Variants in KAZN observed in about 807,000 individuals in gnomAD.
KAZN encodes the protein kazrin, periplakin interacting protein.
A neutral mutation model predicts 87.4 loss-of-function variants in KAZN; 40 were observed. The ratio of observed to expected loss-of-function variants is 0.46; its 90% CI spans 0.36 to 0.60. KAZN has a LOEUF of 0.60. Ranked by LOEUF, KAZN falls within the 20% of genes least tolerant of loss-of-function variation. The pLI is 0.00. For synonymous variants in KAZN, 466 were observed against 458.3 expected (o/e 1.02, Z -0.22); for missense variants, 898 against 1,073.9 (o/e 0.84, Z 2.29).
intron 1 of KAZN, among the ~76,000 whole-genome samples, chr1:13,958,201 T>C (rs1333862453): frequency 6.6e-6 from 1 of 152,234 alleles, no homozygotes; most frequent in African/African-American, 2.4e-5. Context: ...TTATTGTAAT[T>C]ATGCACACGT....
chr1:14,978,152 G>C (rs1352807120), intron 2 of KAZN, among the ~76,000 whole-genome samples: 1 of 152,100 alleles, frequency 6.6e-6, no homozygotes, highest in Admixed American at 6.6e-5. Flanking sequence ...GCTGGGGCTG[G>C]TTCTTGCTAA....
At chr1:14,593,904 C>T (rs1049254265), upstream of KAZN, among the ~76,000 whole-genome samples, 3 of 152,156 alleles carry the variant, frequency 2.0e-5, no homozygotes, top group African/African-American at 4.8e-5. Context: ...TTAGGAAGTG[C>T]CACGTGACAC....
chr1:14,414,719 A>G (rs1046828504), intron 2 of KAZN, among the ~76,000 whole-genome samples: 1 of 152,092 alleles, frequency 6.6e-6, no homozygotes, highest in African/African-American at 2.4e-5. Flanking sequence ...GTTGGAGGAG[A>G]ATAAGATCAA....
chr1:14,340,770 T>C (rs1353915076), intron 2 of KAZN, among the ~76,000 whole-genome samples: 1 of 152,232 alleles, frequency 6.6e-6, no homozygotes, highest in Non-Finnish European at 1.5e-5. Context: ...TAAGTGTGTC[T>C]GTTTTTTGAC....
intron 1 of KAZN, among the ~76,000 whole-genome samples, chr1:13,926,963 A>G (rs1557725422): frequency 6.6e-6 from 1 of 152,182 alleles, no homozygotes; most frequent in Non-Finnish European, 1.5e-5. Context: ...TTAAATATGC[A>G]TTTGTCGTAA....
At chr1:14,935,586 G>T (rs1660357386) in intron 1 of KAZN, among the ~76,000 whole-genome samples, 1 of 152,208 alleles carries the variant, frequency 6.6e-6, no homozygotes, top group African/African-American at 2.4e-5. Flanking sequence ...AGCCCTGCAA[G>T]GCGATGCTGA....
intron 1 of KAZN, among the ~76,000 whole-genome samples, chr1:13,942,749 T>C (rs905546517): frequency 2.0e-5 from 3 of 152,148 alleles, no homozygotes; most frequent in Non-Finnish European, 4.4e-5. Context: ...GTGATTAATA[T>C]GCTTAATAAA....
At chr1:14,672,779 A>G (rs1639989514) in intron 1 of KAZN, among the ~76,000 whole-genome samples, 1 of 152,180 alleles carries the variant, frequency 6.6e-6, no homozygotes, top group South Asian at 2.1e-4. Flanking sequence ...TGCTGAGCAC[A>G]GGCACCAAAA....
chr1:14,419,033 G>A (rs1267767734), intron 2 of KAZN, among the ~76,000 whole-genome samples: 1 of 152,118 alleles, frequency 6.6e-6, no homozygotes. Context: ...TAAGCACATG[G>A]AAAAATACAA....
At chr1:13,898,076 AG>A (rs1639110860) in intron 1 of KAZN, among the ~76,000 whole-genome samples, 1 of 152,196 alleles carries the variant, frequency 6.6e-6, no homozygotes, top group Admixed American at 6.5e-5. Flanking sequence ...CCACACTCCC[AG>A]GCAGGGTATC....
At chr1:14,090,569 CTT>C (rs1178453436) in intron 1 of KAZN, among the ~76,000 whole-genome samples, 1 of 152,160 alleles carries the variant, frequency 6.6e-6, no homozygotes, top group Non-Finnish European at 1.5e-5. Flanking sequence ...TTAAAATGCT[CTT>C]GTTTATTAAC....
chr1:14,767,096 T>C (rs138635012), intron 1 of KAZN, among the ~76,000 whole-genome samples: 32 of 152,280 alleles, frequency 2.1e-4, no homozygotes, highest in African/African-American at 7.7e-4. Flanking sequence ...TGGGTACGCT[T>C]TCTGTGTTTT....
intron 1 of KAZN, among the ~76,000 whole-genome samples, chr1:14,904,554 C>T (rs1008818587): frequency 1.3e-5 from 2 of 152,182 alleles, no homozygotes; most frequent in Non-Finnish European, 2.9e-5. Flanking sequence ...GATGTCTGCA[C>T]GCACTCCAGG....
chr1:14,567,313 A>G (rs1162614075), intron 2 of KAZN, among the ~76,000 whole-genome samples: 1 of 152,220 alleles, frequency 6.6e-6, no homozygotes, highest in Non-Finnish European at 1.5e-5. Flanking sequence ...TTGGTTCACC[A>G]TCTTATATTG....
chr1:13,945,679 T>TGTGTG (rs1553177121), intron 1 of KAZN, among the ~76,000 whole-genome samples: 31 of 123,404 alleles, frequency 2.5e-4, no homozygotes, highest in African/African-American at 6.9e-4. Context: ...TGCTCTCAGT[T>TGTGTG]TGTGTGTGTG....
intron 4 of KAZN, among the ~76,000 whole-genome samples, chr1:15,050,762 C>T (rs1674312352): frequency 6.6e-6 from 1 of 152,198 alleles, no homozygotes; most frequent in South Asian, 2.1e-4. Context: ...TCTGCCCAAT[C>T]CCGAGCCCAC....
At chr1:14,883,349 A>AGGGAGGGAGGGAGG (rs1376505493) in intron 1 of KAZN, among the ~76,000 whole-genome samples, 2 of 38,120 alleles carry the variant, frequency 5.2e-5, no homozygotes, top group Non-Finnish European at 1.1e-4. Flanking sequence ...AGAGAAAGAA[A>AGGGAGGGAGGGAGG]GAAAGAAAAG....
Position 14,923,239 on chromosome 1 carries a change from G to A in KAZN, c.227-37445G>A, listed in dbSNP as rs1405322489. Among the ~76,000 whole-genome samples, 1 of 152,162 alleles carries A rather than the reference G, an allele frequency of 6.6e-6. No individual in the cohort carries two copies. The highest frequency in any genetic ancestry group is 1.9e-4 in the East Asian group (1 of 5,178). On this transcript the variant is annotated intron_variant, in intron 1 of 14. Coordinates refer to ENST00000376030, the MANE Select transcript of KAZN (RefSeq NM_201628.3). The surrounding 1 kb of genome is among the most constrained non-coding windows in gnomAD (Gnocchi z 4.2). ...CTCGGCTCCCGCGTGTCTACAACAGGGGGGAACTGGACCTGCCTCCTGGGG... is the reference window on the plus strand; with the variant it reads ...CTCGGCTCCCGCGTGTCTACAACAGAGGGGAACTGGACCTGCCTCCTGGGG...
rs70997121 is a variant in KAZN at position 14,205,884 on chromosome 1, C to CAAA, written c.249+25312_249+25314dup. On this transcript the variant is annotated intron_variant, in intron 2 of 16. Coordinates refer to the KAZN transcript ENST00000636203. ...CAGGCGACAGAGCAAGACACTGTCT[C>CAAA]AAAAAAAAAAAAAAAAAAAAAAGCT... Among the ~76,000 whole-genome samples the CAAA allele has an allele frequency of 5.1e-4, 18 of 35,204 alleles. 5 individuals carry two copies. The highest frequency in any genetic ancestry group is 1.1e-3 in the African/African-American group (8 of 7,224). 23.1% of individuals were successfully genotyped at this position (35,204 alleles called of 152,430 possible).
Sources: allele counts gnomAD v4.1 joint callset (sites outside exome capture counted in the v4.1 genomes callset), GRCh38; gene constraint gnomAD v4.1.1; non-coding constraint Gnocchi (gnomAD v3.1); transcripts MANE v1.5; gene names NCBI Gene and HGNC (gene_info 2026-07-23, HGNC 2026-07-21).